CARMIL1: variants seen among roughly 807,000 people sequenced by gnomAD.
The protein encoded by CARMIL1 is capping protein regulator and myosin 1 linker 1.
Under a neutral mutation model 177.1 loss-of-function variants are expected in CARMIL1, and 90 were observed. The ratio of observed to expected loss-of-function variants is 0.51; its 90% CI spans 0.43 to 0.61. The LOEUF (loss-of-function observed/expected upper bound fraction) is 0.61, where lower values mean the gene tolerates loss of function less well. Among genes scored for constraint, CARMIL1 ranks in the 20% least tolerant of loss-of-function variants. The pLI is 0.00. For missense variants in CARMIL1, 1,380 were observed against 1,667.0 expected (o/e 0.83, Z 3.00); for synonymous variants, 577 against 606.2 (o/e 0.95, Z 0.71).
rs147885079 is a variant in CARMIL1, at chr6:25,564,351, ATTGT to A, written c.2742+7508_2742+7511del. ...TGGAGAGCCTCTTCTAAATAGGCTC[ATTGT>A]TTGTTTCATTGTTTTGAGCTCCCAT... On this transcript the variant is annotated intron_variant, in intron 29 of 36. Transcript: ENST00000329474. 9.6e-3 allele frequency among the ~76,000 whole-genome samples: 1,459 copies of A among 152,284 alleles called. 21 individuals carry two copies. The highest frequency in any genetic ancestry group is 0.03 in the African/African-American group (1,262 of 41,562).
At chr6:25,331,082 G>A (rs1433223791) in intron 2 of CARMIL1, among the ~76,000 whole-genome samples, 1 of 152,118 alleles carries the variant, frequency 6.6e-6, no homozygotes, top group African/African-American at 2.4e-5. Flanking sequence ...CTGGGAGGAG[G>A]CACTCAGTAT....
intron 35 of CARMIL1, among the ~76,000 whole-genome samples, chr6:25,607,487 A>G (rs1415635241): frequency 9.2e-5 from 14 of 152,160 alleles, no homozygotes; most frequent in Non-Finnish European, 2.1e-4. Flanking sequence ...AATATGAGGC[A>G]CAGAGATACT....
chr6:25,446,820 GCC>G (rs1280831070), intron 5 of CARMIL1, among the ~76,000 whole-genome samples: 1 of 152,158 alleles, frequency 6.6e-6, no homozygotes, highest in African/African-American at 2.4e-5. Flanking sequence ...ACACTTAGAG[GCC>G]ATTGCAGGGT....
chr6:25,367,667 T>G (rs748599911), intron 2 of CARMIL1, among the ~76,000 whole-genome samples: 47 of 152,280 alleles, frequency 3.1e-4, no homozygotes, highest in Admixed American at 1.4e-3. Flanking sequence ...GTAATTCATA[T>G]TTTGAGACAG....
At chr6:25,430,086 C>T (rs1796614644) in intron 4 of CARMIL1, among the ~76,000 whole-genome samples, 1 of 151,948 alleles carries the variant, frequency 6.6e-6, no homozygotes, top group Non-Finnish European at 1.5e-5. Context: ...CCTTGTGATT[C>T]GCCTGCCTTA....
At chr6:25,416,151 G>A (rs73387262) in intron 2 of CARMIL1, among the ~76,000 whole-genome samples, 1 of 152,162 alleles carries the variant, frequency 6.6e-6, no homozygotes, top group South Asian at 2.1e-4. Context: ...CAGACCAGTA[G>A]GGATTGGTCC....
At chr6:25,570,131 A>T (rs1260401713) in intron 29 of CARMIL1, among the ~76,000 whole-genome samples, 1 of 151,866 alleles carries the variant, frequency 6.6e-6, no homozygotes, top group African/African-American at 2.4e-5. Context: ...AGCCCAGCTA[A>T]TTTTTTGTAT....
In CARMIL1 at chr6:25,509,791, A is replaced by G. The variant is rs1261367473; in HGVS notation, c.1477+54A>G. 2 of 1,238,480 alleles carry G rather than the reference A, an allele frequency of 1.6e-6. No individual in the cohort carries two copies. The highest frequency in any genetic ancestry group is 2.3e-6 in the Non-Finnish European group (2 of 868,130). 76.7% of individuals were successfully genotyped at this position (1,238,480 alleles called of 1,614,324 possible). ...CTGAAATATTTTTTGAAGCAAGTTA[A>G]TAAGGGGAAAATAATCTTCTACCCA... On this transcript the variant is annotated intron_variant, in intron 18 of 36. Coordinates refer to ENST00000329474, the MANE Select transcript of CARMIL1 (RefSeq NM_017640.6). The surrounding 1 kb of genome is among the most constrained non-coding windows in gnomAD (Gnocchi z 4.1).
intron 15 of CARMIL1, 91 bp downstream of exon 15, chr6:25,492,115 A>ATGT: frequency 9.5e-7 from 1 of 1,052,860 alleles, no homozygotes. Flanking sequence ...TAAAGGGTGA[A>ATGT]TGTTGTATAT....
chr6:25,483,146 C>T (rs1193615063), intron 12 of CARMIL1, among the ~76,000 whole-genome samples: 1 of 152,202 alleles, frequency 6.6e-6, no homozygotes, highest in African/African-American at 2.4e-5. Context: ...TTTCCTGCTA[C>T]ACTGGGGCTC....
At chr6:25,404,968 G>C (rs1277221248) in intron 2 of CARMIL1, among the ~76,000 whole-genome samples, 1 of 152,154 alleles carries the variant, frequency 6.6e-6, no homozygotes, top group African/African-American at 2.4e-5. Context: ...CAGAGATCCT[G>C]GGTTGCTAAT....
intron 29 of CARMIL1, among the ~76,000 whole-genome samples, chr6:25,572,301 T>C (rs1320816023): frequency 6.6e-6 from 1 of 152,214 alleles, no homozygotes; most frequent in African/African-American, 2.4e-5. Context: ...TATTAGACTA[T>C]ACTTGTCCTT....
intron 2 of CARMIL1, among the ~76,000 whole-genome samples, chr6:25,310,357 A>G (rs7752524): frequency 0.081 from 12,362 of 152,304 alleles, 537 homozygotes; most frequent in South Asian, 0.11. Flanking sequence ...CTTGAGAGAT[A>G]GGTTGAATAG....
chr6:25,292,315 G>A (rs1026956205), intron 2 of CARMIL1, among the ~76,000 whole-genome samples: 2 of 152,206 alleles, frequency 1.3e-5, no homozygotes, highest in Admixed American at 6.5e-5. Flanking sequence ...CTAGAAAATT[G>A]AGCTTTAGAA....
intron 5 of CARMIL1, among the ~76,000 whole-genome samples, chr6:25,441,320 C>CAAACATATATAT (rs765704301): frequency 3.0e-5 from 3 of 99,628 alleles, no homozygotes; most frequent in African/African-American, 1.2e-4. Context: ...AACAAACAAA[C>CAAACATATATAT]ATATATATAT....
chr6:25,302,757 G>T (rs910636709), intron 2 of CARMIL1, among the ~76,000 whole-genome samples: 1 of 152,182 alleles, frequency 6.6e-6, no homozygotes, highest in African/African-American at 2.4e-5. Context: ...GCAAACAGCC[G>T]CCCATCTCAG....
chr6:25,613,537 A>T (rs949714388), intron 36 of CARMIL1, among the ~76,000 whole-genome samples: 4 of 152,234 alleles, frequency 2.6e-5, no homozygotes, highest in Non-Finnish European at 5.9e-5. Context: ...TCAGGTGAGA[A>T]CAATCCCAAG....
rs59911299 is a variant in CARMIL1, at chr6:25,619,733, C to CTTTTTTTTTTTTTTT, written c.*164_*178dup. 1 of 91,402 alleles carries CTTTTTTTTTTTTTTT rather than the reference C, an allele frequency of 1.1e-5. No individual in the cohort carries two copies. The highest frequency in any genetic ancestry group is 1.8e-5 in the Non-Finnish European group (1 of 56,632). 5.7% of individuals were successfully genotyped at this position (91,402 alleles called of 1,614,324 possible). A position where few individuals can be genotyped will look rare whatever the true frequency, so the allele number is the denominator to read the frequency against. ...TTTCGCCCCCACCCCCATCCCCTGC[C>CTTTTTTTTTTTTTTT]TTTTTTTTTTTTTTTTTTTTTTTTT... On this transcript the variant is annotated 3_prime_UTR_variant, in exon 37 of 37. Coordinates refer to ENST00000329474, the MANE Select transcript of CARMIL1 (RefSeq NM_017640.6).
At chr6:25,614,128 C>CA (rs1562344526) in intron 36 of CARMIL1, among the ~76,000 whole-genome samples, 1 of 152,010 alleles carries the variant, frequency 6.6e-6, no homozygotes. Context: ...GGTTTTAAAA[C>CA]AAAAAAACAT....
Sources: allele counts gnomAD v4.1 joint callset (sites outside exome capture counted in the v4.1 genomes callset), GRCh38; gene constraint gnomAD v4.1.1; non-coding constraint Gnocchi (gnomAD v3.1); transcripts MANE v1.5; gene names NCBI Gene and HGNC (gene_info 2026-07-23, HGNC 2026-07-21).